PDXDC1: variants seen among roughly 807,000 people sequenced by gnomAD.
PDXDC1 encodes the protein pyridoxal dependent decarboxylase domain containing 1.
In PDXDC1, 42 loss-of-function variants were observed where a neutral mutation model predicts 100.1. The ratio of observed to expected loss-of-function variants is 0.42; its 90% CI spans 0.33 to 0.54. PDXDC1 has a LOEUF of 0.54. Among genes scored for constraint, PDXDC1 ranks in the 20% least tolerant of loss-of-function variants. The pLI is 0.10. For synonymous variants in PDXDC1, 260 were observed against 371.7 expected, an observed-to-expected ratio of 0.70 and a Z score of 3.46; for missense variants, 636 against 979.2, an observed-to-expected ratio of 0.65 and a Z score of 4.68.
At chr16:15,117,696 G>T (rs1424001030) in intron 16 of PDXDC1, among the ~76,000 whole-genome samples, 1 of 109,818 alleles carries the variant, frequency 9.1e-6, no homozygotes, top group Non-Finnish European at 1.9e-5. Context: ...CGTCTTGGGG[G>T]TGAGAAAAGA....
chr16:15,041,503 G>T (rs919122681), downstream of PDXDC1: 3 of 784,150 alleles, frequency 3.8e-6, no homozygotes, highest in Admixed American at 1.7e-5. Flanking sequence ...GGAAGAGCCG[G>T]AACAGATGGT....
downstream of PDXDC1, chr16:15,038,395 C>T (rs1385231620): frequency 4.8e-6 from 3 of 625,264 alleles, no homozygotes; most frequent in Non-Finnish European, 8.4e-6. Flanking sequence ...ACATTTCCAT[C>T]TAGGACTTGA....
Position 15,033,292 on chromosome 16 carries a change from A to G in PDXDC1, c.1705A>G (p.Ser569Gly), listed in dbSNP as rs757302980. Residue 569 changes from serine to glycine, a missense_variant, in exon 19 of 23, where the codon AGC (serine) becomes GGC (glycine). Transcript: ENST00000396410. ...LTFKIGPEYK[S>G]MKSCLYVGMA... ...TACCTTTGCAGGCCCTGAGTATAAG[A>G]GCATGAAGAGCTGCCTTTATGTCGG... is the stretch of plus-strand genomic sequence containing the variant. 6.2e-7 allele frequency: 1 copy of G among 1,614,190 alleles called. No homozygotes were observed. Among genetic ancestry groups the G allele is most frequent in the Non-Finnish European group, 8.5e-7 (1 of 1,180,016 alleles).
intron 13 of PDXDC1, among the ~76,000 whole-genome samples, chr16:15,023,357 A>G (rs1293284200): frequency 1.3e-5 from 2 of 152,302 alleles, no homozygotes; most frequent in Non-Finnish European, 2.9e-5. Context: ...GAACTTCAGG[A>G]AATATATGTC....
chr16:15,078,076 G>A (rs1341424874), intron 16 of PDXDC1, among the ~76,000 whole-genome samples: 7 of 152,108 alleles, frequency 4.6e-5, no homozygotes, highest in African/African-American at 1.7e-4. Context: ...CTCAAACCAT[G>A]CCATTTTTTA....
At chr16:15,054,213 T>C (rs2044409488) in intron 16 of PDXDC1, among the ~76,000 whole-genome samples, 1 of 152,208 alleles carries the variant, frequency 6.6e-6, no homozygotes, top group Non-Finnish European at 1.5e-5. Context: ...GCATCCTTCT[T>C]CACTTACACT....
chr16:15,019,817 A>G (rs2042041314), intron 12 of PDXDC1, among the ~76,000 whole-genome samples: 1 of 152,294 alleles, frequency 6.6e-6, no homozygotes, highest in Non-Finnish European at 1.5e-5. Flanking sequence ...TAGCATTTAG[A>G]AAGCAAAAAA....
At chr16:15,001,117 G>A (rs1224970793) in intron 3 of PDXDC1, among the ~76,000 whole-genome samples, 3 of 152,278 alleles carry the variant, frequency 2.0e-5, no homozygotes, top group Admixed American at 2.0e-4. Flanking sequence ...CACTATTGGA[G>A]GCTGAGGCAG....
At chr16:15,147,006 A>G in the PDXDC1 span, among the ~76,000 whole-genome samples, 1 of 151,892 alleles carries the variant, frequency 6.6e-6, no homozygotes, top group African/African-American at 2.4e-5. Context: ...AATTCCCTAC[A>G]TCTGGGTTCC....
At chr16:15,059,916 C>T (rs1439760975) in intron 16 of PDXDC1, 3 of 174,098 alleles carry the variant, frequency 1.7e-5, no homozygotes, top group South Asian at 1.1e-4. Context: ...TCAAGCTCCC[C>T]GCCACACCAG....
chr16:15,127,167 A>C, intron 16 of PDXDC1: 1 of 380,726 alleles, frequency 2.6e-6, no homozygotes, highest in Non-Finnish European at 5.1e-6. Flanking sequence ...TCTGGAGTGC[A>C]TTTCGGAAGC....
At position 15,033,402 on chromosome 16, in the gene PDXDC1, C is replaced by T. The variant is rs961125430; in HGVS notation, c.1812+3C>T. On this transcript the variant is annotated splice_donor_region_variant and intron_variant, in intron 19 of 22. Coordinates refer to ENST00000396410, the MANE Select transcript of PDXDC1 (RefSeq NM_015027.4). ...GGGAGATAGAGGAGAACTCGAGGGTCCGTAGCACCCATCAGTGTTCATTCC... is the reference window on the plus strand; with the variant it reads ...GGGAGATAGAGGAGAACTCGAGGGTTCGTAGCACCCATCAGTGTTCATTCC... 1.2e-6 allele frequency: 2 copies of T among 1,613,714 alleles called. No homozygotes were observed. The highest frequency in any genetic ancestry group is 1.7e-5 in the Admixed American group (1 of 60,008).
intron 16 of PDXDC1, among the ~76,000 whole-genome samples, chr16:15,082,786 TATTA>T (rs760371895): frequency 5.9e-5 from 9 of 152,154 alleles, no homozygotes; most frequent in South Asian, 2.1e-4. Context: ...AGGCAACCAC[TATTA>T]ATTATTAAAA....
intron 1 of PDXDC1, among the ~76,000 whole-genome samples, chr16:14,991,526 ATTTTTTT>A (rs1168644641): frequency 3.7e-5 from 5 of 136,454 alleles, no homozygotes; most frequent in Non-Finnish European, 7.8e-5. Flanking sequence ...TATTTTGTCT[ATTTTTTT>A]TTTTTTTTTT....
chr16:15,130,735 G>A (rs1227420186), intron 16 of PDXDC1: 144 of 1,440,614 alleles, frequency 1.0e-4, no homozygotes, highest in Non-Finnish European at 1.3e-4. Flanking sequence ...TTGGGCCGGG[G>A]CTCCGAGTGC....
Position 15,031,137 on chromosome 16 carries a change from C to CTTTTTT in PDXDC1, c.1400-598_1400-597insTTTTTT, listed in dbSNP as rs1270155714. ...ATTTTTTTTTTTTTTTTTTTTTTTC[C>CTTTTTT]ATAGAGACGTGGTCTCACTCTGTCA... On this transcript the variant is annotated intron_variant, in intron 16 of 22. Transcript: ENST00000396410. 9.9e-3 allele frequency among the ~76,000 whole-genome samples: 1,132 copies of CTTTTTT among 113,976 alleles called. 23 individuals carry two copies. The highest frequency in any genetic ancestry group is 0.015 in the East Asian group (56 of 3,860). 74.8% of individuals were successfully genotyped at this position (113,976 alleles called of 152,430 possible).
intron 13 of PDXDC1, among the ~76,000 whole-genome samples, chr16:15,022,976 T>C (rs1175387533): frequency 2.0e-5 from 3 of 152,296 alleles, no homozygotes; most frequent in African/African-American, 7.2e-5. Flanking sequence ...AACCATACAA[T>C]GTTTAATTCC....
At chr16:15,126,822 A>G (rs2047760680) in intron 16 of PDXDC1, 2 of 164,826 alleles carry the variant, frequency 1.2e-5, no homozygotes, top group African/African-American at 4.9e-5. Flanking sequence ...ATGCCCAGCT[A>G]AGTTTTTGTA....
chr16:15,085,397 C>T (rs2045877619), intron 16 of PDXDC1, among the ~76,000 whole-genome samples: 1 of 152,144 alleles, frequency 6.6e-6, no homozygotes, highest in South Asian at 2.1e-4. Context: ...GCAATCCACC[C>T]ACTTAAGCCT....
Sources: gnomAD v4.1 joint callset for allele counts (sites outside exome capture counted in the v4.1 genomes callset) on GRCh38, gnomAD v4.1.1 for gene constraint, MANE v1.5 for transcripts, NCBI Gene and HGNC (gene_info 2026-07-23, HGNC 2026-07-21) for gene names.